Variants in RBPJ observed in about 807,000 individuals in gnomAD.
The protein encoded by RBPJ is recombination signal binding protein for immunoglobulin kappa J region.
A neutral mutation model predicts 67.8 loss-of-function variants in RBPJ; 9 were observed. That is an observed-to-expected ratio of 0.13 (90% CI 0.08 to 0.23). RBPJ has a LOEUF of 0.23. Ranked by LOEUF, RBPJ falls within the 10% of genes least tolerant of loss-of-function variation. The pLI, the probability that RBPJ is intolerant of heterozygous loss-of-function variation, is 1.00. For synonymous variants in RBPJ, 198 were observed against 203.3 expected (o/e 0.97, Z 0.22); for missense variants, 305 against 595.6 (o/e 0.51, Z 5.08).
intron 1 of RBPJ, among the ~76,000 whole-genome samples, chr4:26,170,969 T>C (rs1408467806): frequency 6.6e-6 from 1 of 152,242 alleles, no homozygotes; most frequent in Non-Finnish European, 1.5e-5. Context: ...TAAGGTGCCA[T>C]GTAGCAGAAA....
At chr4:26,117,225 A>G in the RBPJ span, among the ~76,000 whole-genome samples, 3 of 152,108 alleles carry the variant, frequency 2.0e-5, no homozygotes, top group Admixed American at 2.0e-4. Context: ...CTCCTGCCCC[A>G]TGCGGCTACC....
At chr4:26,206,845 T>C (rs1718186918) in intron 1 of RBPJ, among the ~76,000 whole-genome samples, 1 of 151,820 alleles carries the variant, frequency 6.6e-6, no homozygotes, top group Non-Finnish European at 1.5e-5. Context: ...ACTTTTTTGG[T>C]CTTTTTTTTT....
the RBPJ span, among the ~76,000 whole-genome samples, chr4:26,133,326 A>C: frequency 6.6e-6 from 1 of 152,240 alleles, no homozygotes; most frequent in Non-Finnish European, 1.5e-5. Flanking sequence ...CTGGAATCCC[A>C]GCACTTTGAG....
intron 1 of RBPJ, among the ~76,000 whole-genome samples, chr4:26,324,181 T>G (rs1723376263): frequency 6.6e-6 from 1 of 152,212 alleles, no homozygotes; most frequent in African/African-American, 2.4e-5. Flanking sequence ...TAGGAATTGT[T>G]ACTGAAATAA....
intron 1 of RBPJ, among the ~76,000 whole-genome samples, chr4:26,221,505 G>A (rs1251625394): frequency 6.6e-6 from 1 of 152,202 alleles, no homozygotes; most frequent in Non-Finnish European, 1.5e-5. Flanking sequence ...GTGCAGAAAG[G>A]CTATAATGAT....
intron 1 of RBPJ, among the ~76,000 whole-genome samples, chr4:26,359,324 T>G (rs1450267089): frequency 2.6e-5 from 4 of 152,152 alleles, no homozygotes; most frequent in Non-Finnish European, 5.9e-5. Flanking sequence ...TGTATGGGTG[T>G]GTCATAATTT....
rs1441925824 is a variant in RBPJ, at chr4:26,285,329, C to T, written c.-166-77117C>T. ...GTGTTATGGAACTAGTAGCATCTGC[C>T]ACCTCCATTCAGTTATCTATTAGGG... On this transcript the variant is annotated intron_variant, in intron 1 of 4. Coordinates refer to the RBPJ transcript ENST00000512351. Among the ~76,000 whole-genome samples the T allele has an allele frequency of 2.7e-5, 4 of 148,922 alleles. No individual in the cohort carries two copies. The Admixed American group carries it at 2.7e-4, about 10-fold the overall frequency.
At chr4:26,294,973 T>C (rs1302510965) in intron 1 of RBPJ, among the ~76,000 whole-genome samples, 1 of 152,006 alleles carries the variant, frequency 6.6e-6, no homozygotes. Context: ...GAAAGAGGAA[T>C]CAGGGATAAA....
At chr4:26,331,258 A>T (rs1441202254) in intron 1 of RBPJ, among the ~76,000 whole-genome samples, 1 of 152,054 alleles carries the variant, frequency 6.6e-6, no homozygotes, top group Admixed American at 6.6e-5. Context: ...CACCATGCCT[A>T]GCTGGGTTTT....
upstream of RBPJ, chr4:26,319,877 G>T (rs1195297827): frequency 1.7e-5 from 27 of 1,600,896 alleles, no homozygotes; most frequent in Non-Finnish European, 2.2e-5. Context: ...GGGGAAAGAT[G>T]GGGGGCTGCA....
chr4:26,201,111 T>G (rs1259839736), intron 1 of RBPJ, among the ~76,000 whole-genome samples: 1 of 152,198 alleles, frequency 6.6e-6, no homozygotes, highest in African/African-American at 2.4e-5. Context: ...GGTTTGGAAA[T>G]TTGTTCCGCT....
chr4:26,180,797 T>G (rs1485406856), intron 1 of RBPJ, among the ~76,000 whole-genome samples: 1 of 152,136 alleles, frequency 6.6e-6, no homozygotes, highest in African/African-American at 2.4e-5. Context: ...CTATTAATAG[T>G]TAAGGAGAAT....
At chr4:26,401,891 T>TC (rs1054657090) in intron 2 of RBPJ, among the ~76,000 whole-genome samples, 1 of 146,930 alleles carries the variant, frequency 6.8e-6, no homozygotes, top group Non-Finnish European at 1.5e-5. Flanking sequence ...TTCTTTCTTT[T>TC]TTTTTTTTTT....
intron 1 of RBPJ, among the ~76,000 whole-genome samples, chr4:26,342,544 C>A (rs1179984071): frequency 2.6e-5 from 4 of 152,130 alleles, no homozygotes; most frequent in Non-Finnish European, 1.5e-5. Context: ...TTCTCCCATG[C>A]GTGGTTAACT....
intron 1 of RBPJ, among the ~76,000 whole-genome samples, chr4:26,183,682 G>A (rs1465318595): frequency 6.6e-6 from 1 of 152,144 alleles, no homozygotes; most frequent in East Asian, 1.9e-4. Flanking sequence ...CTTCTTACCA[G>A]GACTGATAAT....
the RBPJ span, among the ~76,000 whole-genome samples, chr4:26,142,057 G>A: frequency 5.3e-5 from 8 of 152,372 alleles, no homozygotes; most frequent in South Asian, 1.4e-3. Flanking sequence ...TCCTTGCCGT[G>A]GTTAAGTGGC....
At position 26,385,255 on chromosome 4, in the gene RBPJ, A is replaced by G. The variant is rs1730793056; in HGVS notation, c.21-1098A>G. Among the ~76,000 whole-genome samples the G allele has an allele frequency of 1.3e-5, 2 of 151,770 alleles. 1 individual carries two copies. Among genetic ancestry groups the G allele is most frequent in the African/African-American group, 4.8e-5 (2 of 41,298 alleles). Reference sequence around the variant, plus strand: ...AGGCTGGTCTCGAACTCCTGACCTCAGGTGATCTGCCTGCCTCGGCCTCCC... The same window carrying G: ...AGGCTGGTCTCGAACTCCTGACCTCGGGTGATCTGCCTGCCTCGGCCTCCC... On this transcript the variant is annotated intron_variant, in intron 1 of 10. Coordinates refer to ENST00000355476, the MANE Select transcript of RBPJ (RefSeq NM_015874.6).
intron 1 of RBPJ, among the ~76,000 whole-genome samples, chr4:26,229,842 G>A (rs971845395): frequency 1.3e-5 from 2 of 152,136 alleles, no homozygotes; most frequent in Non-Finnish European, 1.5e-5. Context: ...TCTGACTATA[G>A]AGGCCACATG....
intron 1 of RBPJ, among the ~76,000 whole-genome samples, chr4:26,310,992 C>T (rs1039963767): frequency 6.6e-6 from 1 of 152,076 alleles, no homozygotes; most frequent in Non-Finnish European, 1.5e-5. Context: ...TGAAGTACAG[C>T]CATTTTGACA....
Sources: gnomAD v4.1 joint callset for allele counts (sites outside exome capture counted in the v4.1 genomes callset) on GRCh38, gnomAD v4.1.1 for gene constraint, MANE v1.5 for transcripts, NCBI Gene and HGNC (gene_info 2026-07-23, HGNC 2026-07-21) for gene names.